The following SETBP1 variants were observed in gnomAD, a reference collection of about 807,000 sequenced individuals.
SETBP1 encodes SET-binding protein.
SETBP1 carries 9 observed loss-of-function variants against 101.0 expected under a neutral mutation model. The ratio of observed to expected loss-of-function variants is 0.09; its 90% CI spans 0.05 to 0.16. SETBP1 has a LOEUF of 0.16. Among genes scored for constraint, SETBP1 ranks in the 10% least tolerant of loss-of-function variants. The pLI, the probability that SETBP1 is intolerant of heterozygous loss-of-function variation, is 1.00. For synonymous variants in SETBP1, 818 were observed against 788.5 expected (o/e 1.04, Z -0.63); for missense variants, 1,858 against 2,033.8 (o/e 0.91, Z 1.66).
intron 4 of SETBP1, among the ~76,000 whole-genome samples, chr18:45,022,472 T>G (rs2073090757): frequency 6.6e-6 from 1 of 152,222 alleles, no homozygotes; most frequent in Admixed American, 6.5e-5. Context: ...GTGAAGTCAC[T>G]CATTTTTCTA....
intron 2 of SETBP1, among the ~76,000 whole-genome samples, chr18:44,826,259 A>G (rs2072234874): frequency 6.6e-6 from 1 of 152,144 alleles, no homozygotes; most frequent in Non-Finnish European, 1.5e-5. Flanking sequence ...AGGTATGGAA[A>G]GACCCTCTTG....
chr18:44,999,533 C>T (rs1387694855), intron 4 of SETBP1, among the ~76,000 whole-genome samples: 2 of 152,204 alleles, frequency 1.3e-5, no homozygotes, highest in African/African-American at 4.8e-5. Flanking sequence ...GTTCAGAGTA[C>T]ATCCATGTCA....
At chr18:45,045,292 G>T (rs1027520634) in intron 5 of SETBP1, among the ~76,000 whole-genome samples, 10 of 152,118 alleles carry the variant, frequency 6.6e-5, no homozygotes, top group Admixed American at 5.9e-4. Flanking sequence ...CATAGTGGCG[G>T]GCACCTATAA....
chr18:44,740,196 C>T (rs1170179138), intron 2 of SETBP1, among the ~76,000 whole-genome samples: 2 of 152,178 alleles, frequency 1.3e-5, no homozygotes, highest in African/African-American at 4.8e-5. Flanking sequence ...AGTTACGTCA[C>T]CTCCTTTGGG....
intron 2 of SETBP1, among the ~76,000 whole-genome samples, chr18:44,781,910 G>A (rs1187012720): frequency 1.3e-5 from 2 of 152,118 alleles, no homozygotes; most frequent in Admixed American, 6.6e-5. Flanking sequence ...TGACTTAAGG[G>A]ACTGTAATAC....
At position 44,950,616 on chromosome 18, in the gene SETBP1, G is replaced by T; in HGVS notation, c.1276G>T (p.Ala426Ser). ...HKRKKRQSIKAVVEKIMPEKA... is the reference protein window; with the variant it reads ...HKRKKRQSIKSVVEKIMPEKA... ...GAGGAAAAAAAGACAGTCCATTAAAGCGGTGGTGGAAAAGATCATGCCAGA... is the reference window on the plus strand; with the variant it reads ...GAGGAAAAAAAGACAGTCCATTAAATCGGTGGTGGAAAAGATCATGCCAGA... The change falls in exon 4 of 6, where the codon GCG becomes TCG. Residue 426 changes from alanine (A) to serine (S), a missense_variant. Ala to Ser is a moderately conservative substitution (Grantham distance 99). Around this residue, in one of 12 missense-constraint regions of SETBP1, gnomAD observed 581 missense variants for 535.1 expected, o/e 1.09. Transcript: ENST00000649279. 1.2e-6 allele frequency: 2 copies of T among 1,614,136 alleles called. No individual in the cohort carries two copies. Among genetic ancestry groups the T allele is most frequent in the Non-Finnish European group, 1.7e-6 (2 of 1,180,038 alleles).
At chr18:45,016,714 T>TA (rs1339199665) in intron 4 of SETBP1, among the ~76,000 whole-genome samples, 3 of 150,954 alleles carry the variant, frequency 2.0e-5, no homozygotes, top group Admixed American at 1.3e-4. Flanking sequence ...ACTGTGAGAT[T>TA]ATACACATTG....
chr18:44,917,891 AT>A (rs1251909301), intron 3 of SETBP1, among the ~76,000 whole-genome samples: 6 of 152,102 alleles, frequency 3.9e-5, no homozygotes, highest in Admixed American at 2.6e-4. Flanking sequence ...GGAGAAGGAA[AT>A]AGAAGGGGAA....
intron 3 of SETBP1, among the ~76,000 whole-genome samples, chr18:44,911,555 T>C (rs2070309455): frequency 1.3e-5 from 2 of 152,200 alleles, no homozygotes. Context: ...CTGTCTCCAG[T>C]TGAATAGCAT....
chr18:44,984,919 TC>T (rs1440237312), intron 4 of SETBP1, among the ~76,000 whole-genome samples: 1 of 152,180 alleles, frequency 6.6e-6, no homozygotes, highest in Non-Finnish European at 1.5e-5. Flanking sequence ...GGCGGGCAGA[TC>T]ACCTGAGGTC....
chr18:45,012,121 A>T (rs2072851236), intron 4 of SETBP1, among the ~76,000 whole-genome samples: 1 of 152,154 alleles, frequency 6.6e-6, no homozygotes, highest in Non-Finnish European at 1.5e-5. Context: ...GATTTGTTTG[A>T]ATCATATATG....
intron 4 of SETBP1, among the ~76,000 whole-genome samples, chr18:44,961,444 G>A (rs1015475666): frequency 3.3e-5 from 5 of 152,218 alleles, no homozygotes; most frequent in African/African-American, 1.2e-4. Flanking sequence ...ATAAGTGGAT[G>A]ATGAGAGAAT....
Position 44,951,350 on chromosome 18 carries a change from G to T in SETBP1, c.2010G>T (p.Lys670Asn). 6.2e-7 allele frequency: 1 copy of T among 1,614,018 alleles called. No individual in the cohort carries two copies. The highest frequency in any genetic ancestry group is 8.5e-7 in the Non-Finnish European group (1 of 1,180,038). ...CCATCAAAACTATCAATAAGATGAA[G>T]ACACTCAAGAGGAAAAACATCTTGA... ...KKTIKTINKMKTLKRKNILNQ... is the reference protein window; with the variant it reads ...KKTIKTINKMNTLKRKNILNQ... The change falls in exon 4 of 6, where the codon AAG becomes AAT. Residue 670 changes from lysine to asparagine, a missense_variant. Physicochemically the swap from Lys to Asn is moderately conservative, Grantham distance 94. This residue lies in a region of SETBP1 where 111 missense variants were observed against 119.3 expected (regional missense o/e 0.93). Transcript: ENST00000649279. The surrounding 1 kb of genome is among the most constrained non-coding windows in gnomAD (Gnocchi z 7.8).
At chr18:44,876,375 C>T (rs1367447902) in intron 3 of SETBP1, among the ~76,000 whole-genome samples, 2 of 152,134 alleles carry the variant, frequency 1.3e-5, no homozygotes, top group South Asian at 2.1e-4. Flanking sequence ...TAAAATGGAA[C>T]GAGACACTAG....
chr18:44,815,238 G>A (rs1046823030), intron 2 of SETBP1, among the ~76,000 whole-genome samples: 1 of 152,216 alleles, frequency 6.6e-6, no homozygotes, highest in African/African-American at 2.4e-5. Context: ...GAACTCTTTC[G>A]ATGAGGAAAC....
chr18:44,835,212 G>A (rs1313816993), intron 2 of SETBP1, among the ~76,000 whole-genome samples: 1 of 152,178 alleles, frequency 6.6e-6, no homozygotes, highest in Non-Finnish European at 1.5e-5. Context: ...GCTCAGGACA[G>A]CTCTCCCTGG....
At chr18:44,861,119 A>G (rs527840500) in intron 2 of SETBP1, among the ~76,000 whole-genome samples, 1 of 151,278 alleles carries the variant, frequency 6.6e-6, no homozygotes, top group African/African-American at 2.4e-5. Context: ...TGGAACTCCC[A>G]CCTCAGTGCC....
intron 2 of SETBP1, among the ~76,000 whole-genome samples, chr18:44,704,392 T>C (rs1032615555): frequency 2.6e-5 from 4 of 152,230 alleles, no homozygotes. Context: ...GAAGAAGGGC[T>C]GAAATTCAAT....
At chr18:44,819,560 C>A (rs1460301984) in intron 2 of SETBP1, among the ~76,000 whole-genome samples, 1 of 152,170 alleles carries the variant, frequency 6.6e-6, no homozygotes, top group Non-Finnish European at 1.5e-5. Flanking sequence ...TGTATTACAG[C>A]AGAGGACACT....
Sources: gnomAD v4.1 joint callset for allele counts (sites outside exome capture counted in the v4.1 genomes callset) on GRCh38, gnomAD v4.1.1 for gene constraint, gnomAD v4.1.1 regional missense constraint, Gnocchi (gnomAD v3.1) non-coding constraint, MANE v1.5 for transcripts, NCBI Gene and HGNC (gene_info 2026-07-23, HGNC 2026-07-21) for gene names.